Variants in MBD2 observed in about 807,000 individuals in gnomAD.
MBD2 encodes the protein methyl-CpG-binding domain protein 2.
Under a neutral mutation model 39.3 loss-of-function variants are expected in MBD2, and 9 were observed. The ratio of observed to expected loss-of-function variants is 0.23; its 90% CI spans 0.14 to 0.40. The LOEUF (loss-of-function observed/expected upper bound fraction) is 0.40. Among genes scored for constraint, MBD2 ranks in the 10% least tolerant of loss-of-function variants. The probability of loss-of-function intolerance (pLI) is 1.00; values close to 1 mark genes in which losing one functional copy is unlikely to be tolerated. For missense variants in MBD2, 458 were observed against 532.6 expected, an observed-to-expected ratio of 0.86 and a Z score of 1.38; for synonymous variants, 233 against 211.1, an observed-to-expected ratio of 1.10 and a Z score of -0.90.
chr18:54,179,281 A>G (rs1277312954), intron 3 of MBD2, among the ~76,000 whole-genome samples: 6 of 152,266 alleles, frequency 3.9e-5, no homozygotes, highest in Non-Finnish European at 7.3e-5. Context: ...TTCCAAAAAG[A>G]AAATTTTGTT....
intron 5 of MBD2, among the ~76,000 whole-genome samples, chr18:54,162,408 G>T (rs568123300): frequency 6.6e-6 from 1 of 152,268 alleles, no homozygotes; most frequent in South Asian, 2.1e-4. Context: ...AGTTCCATTT[G>T]CAGTAATTTA....
intron 2 of MBD2, among the ~76,000 whole-genome samples, chr18:54,204,503 A>G (rs867943624): frequency 1.2e-3 from 181 of 152,360 alleles, no homozygotes; most frequent in African/African-American, 4.1e-3. Context: ...AAACAGCTCG[A>G]TAAAACTAAG....
chr18:54,179,447 A>G (rs1020611176), intron 3 of MBD2, among the ~76,000 whole-genome samples: 19 of 152,230 alleles, frequency 1.2e-4, no homozygotes, highest in Non-Finnish European at 5.9e-5. Flanking sequence ...ATGAATATAA[A>G]GGCAAAACAT....
chr18:54,185,182 A>C (rs1324525721), intron 3 of MBD2, among the ~76,000 whole-genome samples: 3 of 152,194 alleles, frequency 2.0e-5, no homozygotes, highest in Non-Finnish European at 2.9e-5. Flanking sequence ...AATTTAAAAC[A>C]TTCCTTCTAA....
intron 1 of MBD2, among the ~76,000 whole-genome samples, chr18:54,219,324 C>A (rs1345777993): frequency 2.0e-5 from 3 of 152,104 alleles, no homozygotes; most frequent in Admixed American, 2.0e-4. Context: ...ACCACAAGAA[C>A]AGAAATAAAG....
intron 6 of MBD2, among the ~76,000 whole-genome samples, chr18:54,159,001 T>A (rs1201635545): frequency 6.6e-6 from 1 of 152,184 alleles, no homozygotes; most frequent in Non-Finnish European, 1.5e-5. Context: ...CTGCATCAAA[T>A]CTGTGCTAGG....
intron 2 of MBD2, among the ~76,000 whole-genome samples, chr18:54,189,220 A>C (rs956301845): frequency 6.9e-6 from 1 of 144,500 alleles, no homozygotes; most frequent in Admixed American, 7.1e-5. Flanking sequence ...AACTTTTTGT[A>C]TACTTTTTTT....
chr18:54,202,629 A>G (rs1181906130), intron 2 of MBD2: 9 of 813,490 alleles, frequency 1.1e-5, no homozygotes, highest in Non-Finnish European at 1.4e-5. Context: ...GCCTCCAAAA[A>G]TTAAGGCAGA....
intron 2 of MBD2, among the ~76,000 whole-genome samples, chr18:54,195,474 A>C (rs1398171244): frequency 6.6e-6 from 1 of 151,946 alleles, no homozygotes; most frequent in Non-Finnish European, 1.5e-5. Flanking sequence ...TACACCGCAC[A>C]CTCCCCAAAA....
chr18:54,224,035 G>A lies in MBD2; in HGVS notation c.525C>T (p.Ser175=). ...GGAGGTACCTGAAGTAGTAGACATC[G>A]CTCTTGCCAGCACTTAGCCCAGATT... ...IRKSGLSAGK[S]DVYYFSPSGK... is the part of the protein sequence containing the mutation. The change falls in exon 1 of 7, where the codon AGC becomes AGT. Residue 175 remains serine, a synonymous_variant. Coordinates refer to ENST00000256429, the MANE Select transcript of MBD2 (RefSeq NM_003927.5). 1 of 1,591,784 alleles carries A rather than the reference G, an allele frequency of 6.3e-7. No homozygotes were observed.
At chr18:54,167,414 T>C (rs2086142245) in intron 3 of MBD2, among the ~76,000 whole-genome samples, 1 of 152,234 alleles carries the variant, frequency 6.6e-6, no homozygotes, top group Admixed American at 6.5e-5. Flanking sequence ...TTTTCTCTTC[T>C]ATAAATATGG....
chr18:54,170,259 G>A (rs1004736104), intron 3 of MBD2, among the ~76,000 whole-genome samples: 4 of 152,176 alleles, frequency 2.6e-5, no homozygotes, highest in Non-Finnish European at 4.4e-5. Flanking sequence ...TGCTTCTTTA[G>A]TGAGGTCAAT....
At chr18:54,167,791 T>C in intron 3 of MBD2, among the ~76,000 whole-genome samples, 1 of 152,126 alleles carries the variant, frequency 6.6e-6, no homozygotes, top group Non-Finnish European at 1.5e-5. Context: ...GTCAACAATA[T>C]GAGGATATAA....
At chr18:54,211,388 T>TACACACAC (rs113321648) in intron 1 of MBD2, among the ~76,000 whole-genome samples, 8,571 of 148,096 alleles carry the variant, frequency 0.058, 294 homozygotes, top group Middle Eastern at 0.087. Flanking sequence ...ATTATTGCTA[T>TACACACAC]ACACACACAC....
At chr18:54,185,665 A>G (rs1320324724) in intron 3 of MBD2, among the ~76,000 whole-genome samples, 2 of 152,172 alleles carry the variant, frequency 1.3e-5, no homozygotes, top group Non-Finnish European at 2.9e-5. Context: ...ATCTAGCTGA[A>G]TAAGGATATT....
rs1211071727 is a variant in MBD2 at position 54,180,897 on chromosome 18, C to CTTTTTTTTTTTTTTTT, written c.840+7976_840+7977insAAAAAAAAAAAAAAAA. Among the ~76,000 whole-genome samples, 15 of 105,360 alleles carry CTTTTTTTTTTTTTTTT rather than the reference C, an allele frequency of 1.4e-4. 1 individual carries two copies. The highest frequency in any genetic ancestry group is 1.8e-4 in the Non-Finnish European group (10 of 55,308). The allele number at this position is 105,360 out of a possible 152,430, so 69.1% of individuals were successfully genotyped here. On this transcript the variant is annotated intron_variant, in intron 3 of 6. Coordinates refer to ENST00000256429, the MANE Select transcript of MBD2 (RefSeq NM_003927.5). ...CAGCCTATGTATTCCTTAATTTTTT[C>CTTTTTTTTTTTTTTTT]TTTTTCTTTTTTTTTTTTTTTTTTT...
At position 54,168,305 on chromosome 18, in the gene MBD2, T is replaced by A. The variant is rs145417475; in HGVS notation, c.841-2139A>T. The stretch of plus-strand genomic sequence containing the variant: ...GTAACAAGGAAAACAATACAAAAAA[T>A]TTATAAAGAAAAAATTAGTAAAAAT... On this transcript the variant is annotated intron_variant, in intron 3 of 6. Transcript: ENST00000256429. Among the ~76,000 whole-genome samples, 420 of 151,486 alleles carry A rather than the reference T, an allele frequency of 2.8e-3. 4 individuals carry two copies. Among genetic ancestry groups the A allele is most frequent in the African/African-American group, 9.5e-3 (392 of 41,424 alleles).
chr18:54,152,895 C>T lies in MBD2; in HGVS notation c.*2429G>A, dbSNP rs2086030430. 6.6e-6 allele frequency: 1 copy of T among 152,194 alleles called. No homozygotes were observed. Among genetic ancestry groups the T allele is most frequent in the African/African-American group, 2.4e-5 (1 of 41,444 alleles). The allele number at this position is 152,194 out of a possible 1,614,324, so 9.4% of individuals were successfully genotyped here. A position where few individuals can be genotyped will look rare whatever the true frequency, so the allele number is the denominator to read the frequency against. On this transcript the variant is annotated 3_prime_UTR_variant, in exon 7 of 7. Transcript: ENST00000256429. ...AGATTAAATAACCTGACAAGTCACA[C>T]AAATGGCAAAAATCAGGATTCAGAC...
intron 3 of MBD2, among the ~76,000 whole-genome samples, chr18:54,176,738 TC>T (rs1282330681): frequency 6.6e-6 from 1 of 152,144 alleles, no homozygotes; most frequent in Non-Finnish European, 1.5e-5. Context: ...ACATCAAAGA[TC>T]AAGTATGAGC....
Sources: gnomAD v4.1 joint callset for allele counts (sites outside exome capture counted in the v4.1 genomes callset) on GRCh38, gnomAD v4.1.1 for gene constraint, MANE v1.5 for transcripts, NCBI Gene and HGNC (gene_info 2026-07-23, HGNC 2026-07-21) for gene names.